The following ADAM22 variants were observed in gnomAD, a reference collection of about 807,000 sequenced individuals.
ADAM22 encodes ADAM metallopeptidase domain 22.
A neutral mutation model predicts 144.6 loss-of-function variants in ADAM22; 65 were observed. That is an observed-to-expected ratio of 0.45 (90% CI 0.37 to 0.55). ADAM22 has a LOEUF of 0.55. Among genes scored for constraint, ADAM22 ranks in the 20% least tolerant of loss-of-function variants. The pLI is 0.00. For missense variants in ADAM22, 974 were observed against 1,184.9 expected, an observed-to-expected ratio of 0.82 and a Z score of 2.61; for synonymous variants, 391 against 412.6, an observed-to-expected ratio of 0.95 and a Z score of 0.63.
At chr7:88,162,925 A>C in intron 22 of ADAM22, 87 bp from the exon 23 acceptor site, 13 of 1,410,680 alleles carry the variant, frequency 9.2e-6, no homozygotes, top group Non-Finnish European at 1.3e-5. Context: ...TAGAGGAAGC[A>C]ATATTGCCTG....
In ADAM22 at chr7:88,196,549, C is replaced by G; in HGVS notation, c.*58C>G. ...TGTTTACTTCAACTTTTATAGAAAC[C>G]CAGGCTCATGGAATCACTGCAAATC... is the stretch of plus-strand genomic sequence containing the variant. On this transcript the variant is annotated 3_prime_UTR_variant, in exon 32 of 32. Transcript: ENST00000413139. 1 of 1,573,212 alleles carries G rather than the reference C, an allele frequency of 6.4e-7. No individual in the cohort carries two copies. Among genetic ancestry groups the G allele is most frequent in the Non-Finnish European group, 8.7e-7 (1 of 1,143,668 alleles).
At chr7:88,088,673 A>G (rs531864561) in intron 4 of ADAM22, among the ~76,000 whole-genome samples, 12 of 152,308 alleles carry the variant, frequency 7.9e-5, no homozygotes, top group African/African-American at 2.9e-4. Context: ...AATTGTATTC[A>G]GGATTTCTCA....
intron 26 of ADAM22, among the ~76,000 whole-genome samples, chr7:88,172,247 A>G (rs1844509291): frequency 6.6e-6 from 1 of 151,990 alleles, no homozygotes; most frequent in Non-Finnish European, 1.5e-5. Flanking sequence ...ATGTTGTTCT[A>G]TAACAATTGC....
intron 2 of ADAM22, among the ~76,000 whole-genome samples, chr7:87,971,011 C>T (rs1850306908): frequency 6.6e-6 from 1 of 152,154 alleles, no homozygotes; most frequent in Non-Finnish European, 1.5e-5. Flanking sequence ...CACATACATA[C>T]TGCAAGCACA....
At position 88,130,471 on chromosome 7, in the gene ADAM22, C is replaced by A; in HGVS notation, c.825+12C>A. 1 of 1,608,316 alleles carries A rather than the reference C, an allele frequency of 6.2e-7. No individual in the cohort carries two copies. Among genetic ancestry groups the A allele is most frequent in the Non-Finnish European group, 8.5e-7 (1 of 1,175,342 alleles). Reference sequence around the variant, plus strand: ...ACATGGCAGATTTAGTAAGTATCAACCCCGTTCATTATTGCCCTAGAAGAT... The same window carrying A: ...ACATGGCAGATTTAGTAAGTATCAAACCCGTTCATTATTGCCCTAGAAGAT... On this transcript the variant is annotated intron_variant, in intron 10 of 31. Coordinates refer to ENST00000413139, the MANE Select transcript of ADAM22 (RefSeq NM_001324418.2).
chr7:88,013,245 G>T (rs1387789589), intron 3 of ADAM22, among the ~76,000 whole-genome samples: 4 of 152,228 alleles, frequency 2.6e-5, no homozygotes, highest in African/African-American at 2.4e-5. Flanking sequence ...AGATTTTGGG[G>T]TGGCAGTTTG....
At chr7:88,045,891 TG>T (rs1563096244) in intron 3 of ADAM22, among the ~76,000 whole-genome samples, 5 of 64,764 alleles carry the variant, frequency 7.7e-5, no homozygotes, top group African/African-American at 2.8e-4. Flanking sequence ...TATTCTATTG[TG>T]TGTGTGTGTG....
At position 87,991,352 on chromosome 7, in the gene ADAM22, A is replaced by AT. The variant is rs10549124; in HGVS notation, c.323+12965dup. On this transcript the variant is annotated intron_variant, in intron 3 of 31. Coordinates refer to ENST00000413139, the MANE Select transcript of ADAM22 (RefSeq NM_001324418.2). Reference sequence around the variant, plus strand: ...AAGACTGACAGCTATCACTAGCCTTATTTTTTTTTTTTTTTTTTTTTTTTT... The same window carrying AT: ...AAGACTGACAGCTATCACTAGCCTTATTTTTTTTTTTTTTTTTTTTTTTTTT... Among the ~76,000 whole-genome samples the AT allele has an allele frequency of 3.1e-3, 264 of 85,930 alleles. 2 individuals are homozygous for AT. The highest frequency in any genetic ancestry group is 4.5e-3 in the African/African-American group (94 of 20,818). The allele number at this position is 85,930 out of a possible 152,430, so 56.4% of individuals were successfully genotyped here. A position where few individuals can be genotyped will look rare whatever the true frequency, so the allele number is the denominator to read the frequency against.
At chr7:88,013,537 G>A (rs371380145) in intron 3 of ADAM22, among the ~76,000 whole-genome samples, 2 of 152,110 alleles carry the variant, frequency 1.3e-5, no homozygotes, top group Admixed American at 6.5e-5. Flanking sequence ...GGATCTTCCC[G>A]CATCAGCCTC....
intron 3 of ADAM22, among the ~76,000 whole-genome samples, chr7:88,059,704 C>A (rs1054240891): frequency 1.3e-5 from 2 of 152,138 alleles, no homozygotes; most frequent in African/African-American, 4.8e-5. Flanking sequence ...GAAATCATGT[C>A]TTTTGCAGGA....
intron 21 of ADAM22, 122 bp from the exon 22 acceptor site, chr7:88,155,765 G>A (rs1262309345): frequency 9.0e-7 from 1 of 1,113,280 alleles, no homozygotes; most frequent in African/African-American, 1.6e-5. Flanking sequence ...TATTTCACTT[G>A]GCATATGAGT....
rs779632624 is a variant in ADAM22, at chr7:88,171,529, C to G, written c.2283-15C>G. On this transcript the variant is annotated splice_polypyrimidine_tract_variant and intron_variant, in intron 25 of 31. Coordinates refer to ENST00000413139, the MANE Select transcript of ADAM22 (RefSeq NM_001324418.2). ...TCTTATGTTTTTCCCTCTTTCTCTTCTTGTCCATGAAAAGAAACTATCGAG... is the reference window on the plus strand; with the variant it reads ...TCTTATGTTTTTCCCTCTTTCTCTTGTTGTCCATGAAAAGAAACTATCGAG... 8 of 1,586,656 alleles carry G rather than the reference C, an allele frequency of 5.0e-6. No individual in the cohort carries two copies. The highest frequency in any genetic ancestry group is 6.8e-6 in the Non-Finnish European group (8 of 1,169,310).
At position 88,102,951 on chromosome 7, in the gene ADAM22, G is replaced by A. The variant is rs112301879; in HGVS notation, c.391-5225G>A. On this transcript the variant is annotated intron_variant, in intron 4 of 31. Coordinates refer to ENST00000413139, the MANE Select transcript of ADAM22 (RefSeq NM_001324418.2). ...AGGGAGGTTTTCTCTCCAGTAGCAC[G>A]TGTGGGTATATAAACATAAATCAGG... Among the ~76,000 whole-genome samples, 461 of 152,240 alleles carry A rather than the reference G, an allele frequency of 3.0e-3. 5 individuals are homozygous for A. Among genetic ancestry groups the A allele is most frequent in the African/African-American group, 0.011 (442 of 41,544 alleles).
At chr7:87,945,516 CTTT>C (rs773312797) in intron 2 of ADAM22, among the ~76,000 whole-genome samples, 5 of 140,754 alleles carry the variant, frequency 3.6e-5, no homozygotes, top group African/African-American at 2.6e-5. Flanking sequence ...TCTTTTCTTT[CTTT>C]TTTTTTTTTT....
chr7:87,954,812 T>G (rs1306184106), intron 2 of ADAM22, among the ~76,000 whole-genome samples: 1 of 152,226 alleles, frequency 6.6e-6, no homozygotes, highest in Admixed American at 6.5e-5. Context: ...TCTCACATAG[T>G]CCCATATTTC....
chr7:87,953,123 T>G (rs928767425), intron 2 of ADAM22, among the ~76,000 whole-genome samples: 2 of 152,196 alleles, frequency 1.3e-5, no homozygotes, highest in Non-Finnish European at 2.9e-5. Flanking sequence ...GAAGGGTTTT[T>G]TTTTTGTCTC....
At chr7:87,938,841 G>A (rs1046479515) in intron 2 of ADAM22, among the ~76,000 whole-genome samples, 5 of 152,120 alleles carry the variant, frequency 3.3e-5, no homozygotes, top group African/African-American at 9.6e-5. Context: ...AGTAGAGACA[G>A]GGTTTCACCA....
chr7:87,985,088 C>T (rs1296107179), intron 3 of ADAM22, among the ~76,000 whole-genome samples: 1 of 149,940 alleles, frequency 6.7e-6, no homozygotes, highest in Non-Finnish European at 1.5e-5. Context: ...CTGAGGCGGG[C>T]GGATCACAAG....
intron 4 of ADAM22, among the ~76,000 whole-genome samples, chr7:88,087,515 A>G (rs1330667717): frequency 6.6e-6 from 1 of 152,228 alleles, no homozygotes; most frequent in African/African-American, 2.4e-5. Context: ...AGGAATGTCA[A>G]ATCCTTTATA....
Sources: gnomAD v4.1 joint callset for allele counts (sites outside exome capture counted in the v4.1 genomes callset) on GRCh38, gnomAD v4.1.1 for gene constraint, MANE v1.5 for transcripts, NCBI Gene and HGNC (gene_info 2026-07-23, HGNC 2026-07-21) for gene names.